The following NHSL1 variants were observed in gnomAD, a reference collection of about 807,000 sequenced individuals.
NHSL1 encodes the protein NHS like 1, also known as NHS-like protein 1.
A neutral mutation model predicts 95.0 loss-of-function variants in NHSL1; 48 were observed. The observed-to-expected ratio is 0.51, with a 90% CI of 0.40 to 0.64. The LOEUF (loss-of-function observed/expected upper bound fraction) is 0.64, where lower values mean the gene tolerates loss of function less well. Among genes scored for constraint, NHSL1 ranks in the 30% least tolerant of loss-of-function variants. The probability of loss-of-function intolerance (pLI) is 0.00; values close to 1 mark genes in which losing one functional copy is unlikely to be tolerated. For synonymous variants in NHSL1, 783 were observed against 833.9 expected (o/e 0.94, Z 1.05); for missense variants, 1,971 against 2,077.7 (o/e 0.95, Z 1.00).
intron 1 of NHSL1, among the ~76,000 whole-genome samples, chr6:138,600,152 A>G (rs1011486789): frequency 6.6e-6 from 1 of 152,200 alleles, no homozygotes; most frequent in South Asian, 2.1e-4. Context: ...TCAAAAAAAA[A>G]ATATTAATTA....
chr6:138,518,396 T>G (rs2128306431), intron 1 of NHSL1, among the ~76,000 whole-genome samples: 1 of 151,814 alleles, frequency 6.6e-6, no homozygotes, highest in East Asian at 1.9e-4. Context: ...ACAGCAGGTT[T>G]TTTTTTTTTT....
At chr6:138,627,027 A>G (rs1418880524) in intron 1 of NHSL1, among the ~76,000 whole-genome samples, 2 of 152,108 alleles carry the variant, frequency 1.3e-5, no homozygotes, top group African/African-American at 4.8e-5. Flanking sequence ...CACATAAAAC[A>G]CCTAAAACAA....
chr6:138,620,052 A>AT (rs550215406), intron 1 of NHSL1, among the ~76,000 whole-genome samples: 8 of 151,598 alleles, frequency 5.3e-5, no homozygotes, highest in East Asian at 3.9e-4. Context: ...AACTGTATTA[A>AT]TTTTTTTTTA....
intron 1 of NHSL1, among the ~76,000 whole-genome samples, chr6:138,539,233 C>T (rs1483092447): frequency 6.6e-6 from 1 of 152,154 alleles, no homozygotes; most frequent in African/African-American, 2.4e-5. Context: ...TAAGACTACC[C>T]ATCTTCCACC....
intron 2 of NHSL1, among the ~76,000 whole-genome samples, chr6:138,485,826 A>T (rs1031862746): frequency 6.6e-6 from 1 of 152,030 alleles, no homozygotes; most frequent in Admixed American, 6.6e-5. Context: ...TACCACACAT[A>T]TTTTTTTTAA....
upstream of NHSL1, among the ~76,000 whole-genome samples, chr6:138,547,605 G>A (rs527418587): frequency 1.8e-4 from 28 of 152,278 alleles, 1 homozygote; most frequent in Admixed American, 1.1e-3. Flanking sequence ...GGATGGTCTC[G>A]ATCTCCTGAC....
chr6:138,633,804 G>A (rs1784853328), intron 1 of NHSL1, among the ~76,000 whole-genome samples: 1 of 152,186 alleles, frequency 6.6e-6, no homozygotes, highest in Non-Finnish European at 1.5e-5. Context: ...TGTAACTGTG[G>A]TGTGTAAACT....
At chr6:138,625,336 T>C (rs1784722613) in intron 1 of NHSL1, among the ~76,000 whole-genome samples, 1 of 152,016 alleles carries the variant, frequency 6.6e-6, no homozygotes, top group Admixed American at 6.6e-5. Context: ...AGAGACAGGG[T>C]TTCACCATGT....
intron 1 of NHSL1, among the ~76,000 whole-genome samples, chr6:138,642,762 T>C (rs1449712334): frequency 1.3e-5 from 2 of 151,886 alleles, no homozygotes; most frequent in Admixed American, 6.6e-5. Flanking sequence ...AGGGAGGTGG[T>C]AATTAGTAGG....
At chr6:138,621,495 T>G (rs1472359927) in intron 1 of NHSL1, among the ~76,000 whole-genome samples, 1 of 151,698 alleles carries the variant, frequency 6.6e-6, no homozygotes, top group African/African-American at 2.4e-5. Flanking sequence ...CCCCCCAAGA[T>G]GTAGCCTTGC....
intron 3 of NHSL1, chr6:138,464,014 T>C: frequency 3.0e-6 from 1 of 329,258 alleles, no homozygotes. Context: ...CTTAGAACAA[T>C]GCTTGGCATA....
chr6:138,598,621 C>A lies in NHSL1; in HGVS notation c.96+93855G>T, dbSNP rs1583441628. 3.9e-5 allele frequency among the ~76,000 whole-genome samples: 4 copies of A among 102,844 alleles called. No individual in the cohort carries two copies. The South Asian group carries it at 1.4e-3, about 37-fold the overall frequency. 67.5% of individuals were successfully genotyped at this position (102,844 alleles called of 152,430 possible). ...CCTGGACAACAAAGCAAGACTTCAT[C>A]TGGAAGAAAAAAAAAAAAAAAAAAA... On this transcript the variant is annotated intron_variant, in intron 1 of 3. Coordinates refer to the NHSL1 transcript ENST00000491526.
chr6:138,484,078 G>T (rs2128266605), intron 2 of NHSL1, among the ~76,000 whole-genome samples: 1 of 152,302 alleles, frequency 6.6e-6, no homozygotes, highest in East Asian at 1.9e-4. Context: ...AATGAATAAG[G>T]AAGATGATGT....
chr6:138,653,593 A>C (rs1033769782), intron 1 of NHSL1, among the ~76,000 whole-genome samples: 2 of 152,182 alleles, frequency 1.3e-5, no homozygotes, highest in Non-Finnish European at 2.9e-5. Context: ...AACCTTTCAC[A>C]AAGTATTGTT....
chr6:138,458,622 A>G (rs745601765), intron 3 of NHSL1, among the ~76,000 whole-genome samples: 1 of 152,042 alleles, frequency 6.6e-6, no homozygotes, highest in Non-Finnish European at 1.5e-5. Flanking sequence ...AGGTCAGGAG[A>G]TCGAGACCAT....
intron 3 of NHSL1, among the ~76,000 whole-genome samples, chr6:138,461,356 G>A (rs1397379895): frequency 2.0e-5 from 3 of 152,198 alleles, no homozygotes; most frequent in East Asian, 3.8e-4. Flanking sequence ...CTGCTACAGA[G>A]TAGCGGGGGT....
chr6:138,540,199 G>A (rs984560806), intron 1 of NHSL1, among the ~76,000 whole-genome samples: 2 of 152,210 alleles, frequency 1.3e-5, no homozygotes, highest in African/African-American at 4.8e-5. Context: ...AAAGAACCAG[G>A]AAGAATTGTA....
chr6:138,516,073 T>C (rs935226417), intron 1 of NHSL1, among the ~76,000 whole-genome samples: 1 of 152,230 alleles, frequency 6.6e-6, no homozygotes, highest in Non-Finnish European at 1.5e-5. Flanking sequence ...CAGATGCACA[T>C]GACTGATGAT....
intron 1 of NHSL1, among the ~76,000 whole-genome samples, chr6:138,589,569 T>C (rs1784193362): frequency 6.6e-6 from 1 of 152,168 alleles, no homozygotes; most frequent in South Asian, 2.1e-4. Flanking sequence ...GAGGGTTCAG[T>C]AGGGTCGCCT....
Sources: allele counts gnomAD v4.1 joint callset (sites outside exome capture counted in the v4.1 genomes callset), GRCh38; gene constraint gnomAD v4.1.1; transcripts MANE v1.5; gene names NCBI Gene and HGNC (gene_info 2026-07-23, HGNC 2026-07-21).